The following SMOX variants were observed in gnomAD, a reference collection of about 807,000 sequenced individuals.
SMOX encodes the protein flavin containing amine oxidase.
SMOX carries 22 observed loss-of-function variants against 51.0 expected under a neutral mutation model. The observed-to-expected ratio is 0.43, with a 90% CI of 0.31 to 0.62. The LOEUF is 0.62. Ranked by LOEUF, SMOX falls within the 20% of genes least tolerant of loss-of-function variation. The probability of loss-of-function intolerance (pLI) is 0.10; values close to 1 mark genes in which losing one functional copy is unlikely to be tolerated. For missense variants in SMOX, 566 were observed against 777.7 expected (o/e 0.73, Z 3.24); for synonymous variants, 282 against 307.8 (o/e 0.92, Z 0.88).
intron 1 of SMOX, among the ~76,000 whole-genome samples, chr20:4,158,122 G>T (rs369842049): frequency 2.0e-5 from 3 of 150,534 alleles, no homozygotes; most frequent in African/African-American, 4.9e-5. Flanking sequence ...GGATGGTCTC[G>T]ATCTCCTGAC....
rs372033583 is a variant in SMOX, at chr20:4,158,027, A to C, written c.-27+9050A>C. ...GCCATTCTCCTGCCTCAGCCTCCCG[A>C]GTAGCTGGGACTACAGGCGCCCGCC... is the stretch of plus-strand genomic sequence containing the variant. On this transcript the variant is annotated intron_variant, in intron 1 of 6. Transcript: ENST00000305958. Among the ~76,000 whole-genome samples the C allele has an allele frequency of 5.3e-5, 8 of 151,226 alleles. No individual in the cohort carries two copies. In the East Asian group the frequency reaches 9.8e-4, roughly 19 times the overall value.
At chr20:4,158,123 A>G (rs565755648) in intron 1 of SMOX, among the ~76,000 whole-genome samples, 19 of 150,432 alleles carry the variant, frequency 1.3e-4, no homozygotes, top group African/African-American at 4.6e-4. Flanking sequence ...GATGGTCTCG[A>G]TCTCCTGACC....
chr20:4,184,007 G>C (rs1423566631), intron 6 of SMOX, among the ~76,000 whole-genome samples: 1 of 151,080 alleles, frequency 6.6e-6, no homozygotes, highest in African/African-American at 2.4e-5. Flanking sequence ...ACAGGGTCTT[G>C]CTCTGTCTAC....
chr20:4,160,985 A>T (rs969802847), intron 1 of SMOX, among the ~76,000 whole-genome samples: 1 of 152,212 alleles, frequency 6.6e-6, no homozygotes, highest in African/African-American at 2.4e-5. Context: ...GTGCAGAGTC[A>T]CGAGGGGCCG....
rs61731560 is a variant in SMOX, at chr20:4,183,534, G to C, written c.1410G>C (p.Ser470=). 1.4e-4 allele frequency: 228 copies of C among 1,614,146 alleles called. No individual in the cohort carries two copies. The African/African-American group carries it at 2.6e-3, about 18-fold the overall frequency. Residue 470 remains serine, a synonymous_variant, in exon 6 of 7, where the codon TCG becomes TCC. Transcript: ENST00000305958. This position sits in a 1 kb window ranked among gnomAD's most constrained non-coding sequence, Gnocchi z 4.3. ...CAAAACCTCGGCGAATCTTGCGCTC[G>C]GCCTGGGGCAGCAACCCTTACTTCC... ...NIPKPRRILR[S]AWGSNPYFRG... is the part of the protein sequence containing the mutation.
rs376767598 is a variant in SMOX at position 4,182,383 on chromosome 20, G to A, written c.904G>A (p.Gly302Arg). 7 of 1,597,564 alleles carry A rather than the reference G, an allele frequency of 4.4e-6. No homozygotes were observed. Among genetic ancestry groups the A allele is most frequent in the Non-Finnish European group, 6.0e-6 (7 of 1,170,660 alleles). ...EGGQGGEEPR[G>R]GRWDEDEQWS... ...TGGCCAGGGTGGAGAGGAGCCCCGG[G>A]GGGGCAGGTGGGATGAGGATGAGCA... The change falls in exon 5 of 7, where the codon GGG becomes AGG. Residue 302 changes from glycine (G) to arginine (R), a missense_variant. Coordinates refer to ENST00000305958, the MANE Select transcript of SMOX (RefSeq NM_175839.3). The surrounding 1 kb of genome is among the most constrained non-coding windows in gnomAD (Gnocchi z 8.4).
In SMOX at chr20:4,177,280, AG is replaced by A. The variant is rs1978934923; in HGVS notation, c.209-66del. 1.5e-6 allele frequency: 2 copies of A among 1,312,954 alleles called. No homozygotes were observed. The highest frequency in any genetic ancestry group is 2.1e-5 in the Admixed American group (1 of 46,750). The allele number at this position is 1,312,954 out of a possible 1,614,324, so 81.3% of individuals were successfully genotyped here. On this transcript the variant is annotated intron_variant, in intron 2 of 6. Transcript: ENST00000305958. The surrounding 1 kb of genome is among the most constrained non-coding windows in gnomAD (Gnocchi z 4.3). ...GTGGAAAGACCCTCTTGGAGGAAGG[AG>A]GGGGAAGCAGTGCTGGCCCTCTCTG...
In SMOX at chr20:4,159,125, A is replaced by AT. The variant is rs199956561; in HGVS notation, c.-27+10157dup. The stretch of plus-strand genomic sequence containing the variant: ...ATAATGAACTTGACTTCTTCATTAG[A>AT]TTTTTTTTTGTTTTTGAGACAGAGT... On this transcript the variant is annotated intron_variant, in intron 1 of 6. Coordinates refer to ENST00000305958, the MANE Select transcript of SMOX (RefSeq NM_175839.3). 7.7e-3 allele frequency among the ~76,000 whole-genome samples: 1,174 copies of AT among 151,632 alleles called. 17 individuals carry two copies. Among genetic ancestry groups the AT allele is most frequent in the African/African-American group, 0.026 (1,078 of 41,346 alleles).
Position 4,182,744 on chromosome 20 carries a change from A to G in SMOX, c.1265A>G (p.His422Arg), listed in dbSNP as rs1475893481. Residue 422 changes from histidine to arginine, a missense_variant, in exon 5 of 7, where the codon CAT (histidine) becomes CGT (arginine). Physicochemically the swap from His to Arg is conservative, Grantham distance 29. Around this residue, in one of 3 missense-constraint regions of SMOX, gnomAD observed 347 missense variants for 481.8 expected, o/e 0.72. Coordinates refer to ENST00000305958, the MANE Select transcript of SMOX (RefSeq NM_175839.3). The surrounding 1 kb of genome is among the most constrained non-coding windows in gnomAD (Gnocchi z 8.4). The part of the protein sequence containing the change: ...DVLYPPERYG[H>R]VLSGWICGEE... ...CTCTACCCGCCTGAGCGCTACGGCCATGTGCTGAGCGGCTGGATCTGCGGG... is the reference window on the plus strand; with the variant it reads ...CTCTACCCGCCTGAGCGCTACGGCCGTGTGCTGAGCGGCTGGATCTGCGGG... The G allele has an allele frequency of 8.1e-6, 13 of 1,613,990 alleles. No homozygotes were observed. The highest frequency in any genetic ancestry group is 1.1e-5 in the Non-Finnish European group (13 of 1,180,030).
chr20:4,175,245 G>A lies in SMOX; in HGVS notation c.190G>A (p.Val64Met), dbSNP rs1478082284. Residue 64 changes from valine (V) to methionine (M), a missense_variant, in exon 2 of 7, where the codon GTG becomes ATG. Around this residue, in one of 3 missense-constraint regions of SMOX, gnomAD observed 217 missense variants for 278.4 expected, o/e 0.78. Coordinates refer to ENST00000305958, the MANE Select transcript of SMOX (RefSeq NM_175839.3). ...LEASSHIGGR[V>M]QSVKLGHATF... is the part of the protein sequence containing the mutation. Reference sequence around the variant, plus strand: ...GGCTTCCAGCCACATCGGAGGCCGTGTGCAGAGTGTGAAACTTGGTAAGTG... The same window carrying A: ...GGCTTCCAGCCACATCGGAGGCCGTATGCAGAGTGTGAAACTTGGTAAGTG... 1 of 1,614,148 alleles carries A rather than the reference G, an allele frequency of 6.2e-7. No individual in the cohort carries two copies. The highest frequency in any genetic ancestry group is 8.5e-7 in the Non-Finnish European group (1 of 1,180,038).
chr20:4,156,959 T>C (rs1600796327), intron 1 of SMOX, among the ~76,000 whole-genome samples: 1 of 152,182 alleles, frequency 6.6e-6, no homozygotes, highest in South Asian at 2.1e-4. Flanking sequence ...CCCAGGCTGG[T>C]CTGGAACTCC....
intron 1 of SMOX, among the ~76,000 whole-genome samples, chr20:4,154,366 A>ATTTC (rs934600914): frequency 1.1e-4 from 15 of 140,694 alleles, no homozygotes; most frequent in East Asian, 6.7e-4. Context: ...GTGACTCCGC[A>ATTTC]TTTCTTTCTT....
chr20:4,158,073 TG>T (rs372520784), intron 1 of SMOX, among the ~76,000 whole-genome samples: 5 of 149,206 alleles, frequency 3.4e-5, no homozygotes, highest in African/African-American at 1.2e-4. Context: ...GCTAATTTTT[TG>T]TATTTTTAGT....
chr20:4,179,850 G>T (rs937031293), intron 3 of SMOX, among the ~76,000 whole-genome samples: 1 of 152,178 alleles, frequency 6.6e-6, no homozygotes, highest in Non-Finnish European at 1.5e-5. Context: ...AGTATTATTA[G>T]CTGTCACAGA....
Position 4,183,321 on chromosome 20 carries a change from A to G in SMOX, c.1370-173A>G, listed in dbSNP as rs568242937. 9.2e-4 allele frequency: 826 copies of G among 895,642 alleles called. 3 individuals are homozygous for G. The highest frequency in any genetic ancestry group is 1.3e-3 in the Admixed American group (58 of 45,128). 55.5% of individuals were successfully genotyped at this position (895,642 alleles called of 1,614,324 possible). On this transcript the variant is annotated intron_variant, in intron 5 of 6. Transcript: ENST00000305958. This position sits in a 1 kb window ranked among gnomAD's most constrained non-coding sequence, Gnocchi z 4.3. ...GTCACAGGAGGCGCTGAGTGGGTAC[A>G]CAGCTCGAGCCCCAGCCTCCCTCCT...
chr20:4,168,584 T>C (rs1186648804), intron 1 of SMOX, among the ~76,000 whole-genome samples: 7 of 149,152 alleles, frequency 4.7e-5, no homozygotes, highest in Non-Finnish European at 1.0e-4. Flanking sequence ...TGAGACGGAG[T>C]CTCGCTCTGT....
intron 1 of SMOX, among the ~76,000 whole-genome samples, chr20:4,162,423 G>A (rs1205104705): frequency 6.6e-6 from 1 of 152,234 alleles, no homozygotes; most frequent in Non-Finnish European, 1.5e-5. Context: ...TGTTAGCAGT[G>A]CCTCTGAGCC....
At chr20:4,171,177 A>G (rs1007889860) in intron 1 of SMOX, among the ~76,000 whole-genome samples, 5 of 152,032 alleles carry the variant, frequency 3.3e-5, no homozygotes, top group Non-Finnish European at 5.9e-5. Flanking sequence ...AGCGGATGTT[A>G]TTTCTTTCTT....
Position 4,182,407 on chromosome 20 carries a change from C to T in SMOX, c.928C>T (p.Gln310Ter). Residue 310 changes from glutamine to a stop codon, truncating the protein, a stop_gained, in exon 5 of 7, where the codon CAG (glutamine) becomes TAG (stop). Transcript: ENST00000305958. LOFTEE classifies it high-confidence loss of function. This position sits in a 1 kb window ranked among gnomAD's most constrained non-coding sequence, Gnocchi z 8.4. ...PRGGRWDEDE[Q>*]WSVVVECEDC... ...GGGGGGCAGGTGGGATGAGGATGAGCAGTGGTCGGTGGTGGTGGAGTGCGA... is the reference window on the plus strand; with the variant it reads ...GGGGGGCAGGTGGGATGAGGATGAGTAGTGGTCGGTGGTGGTGGAGTGCGA... 1 of 1,602,304 alleles carries T rather than the reference C, an allele frequency of 6.2e-7. No individual in the cohort carries two copies. The highest frequency in any genetic ancestry group is 8.5e-7 in the Non-Finnish European group (1 of 1,173,806).
Sources: allele counts gnomAD v4.1 joint callset (sites outside exome capture counted in the v4.1 genomes callset), GRCh38; gene constraint gnomAD v4.1.1; regional missense constraint gnomAD v4.1.1; non-coding constraint Gnocchi (gnomAD v3.1); transcripts MANE v1.5; gene names NCBI Gene and HGNC (gene_info 2026-07-23, HGNC 2026-07-21).